TUSC3: variants seen among roughly 807,000 people sequenced by gnomAD.
TUSC3 encodes dolichyl-diphosphooligosaccharide--protein glycosyltransferase subunit TUSC3.
TUSC3 carries 45 observed loss-of-function variants against 44.8 expected under a neutral mutation model. The observed-to-expected ratio is 1.00, with a 90% CI of 0.79 to 1.29. The LOEUF (loss-of-function observed/expected upper bound fraction) is 1.29, where lower values mean the gene tolerates loss of function less well. Among genes scored for constraint, TUSC3 ranks in the 50% most tolerant of loss-of-function variants. TUSC3 has a pLI of 0.00. For synonymous variants in TUSC3, 212 were observed against 152.9 expected (o/e 1.39, Z -2.85); for missense variants, 519 against 437.9 (o/e 1.19, Z -1.65).
Position 15,444,705 on chromosome 8 carries a change from T to C in TUSC3, n.91+27400T>C, listed in dbSNP as rs143464569. On this transcript the variant is annotated intron_variant and non_coding_transcript_variant, in intron 1 of 5. Transcript: ENST00000503191. ...AGAATTTGGTCAAGGAGAGAATCTT[T>C]GTCAGTATCTCCCAAGTATCGGTTC... 4.1e-4 allele frequency among the ~76,000 whole-genome samples: 62 copies of C among 152,328 alleles called. 1 individual carries two copies. In the East Asian group the frequency reaches 0.011, roughly 27 times the overall value.
At chr8:15,519,226 T>C (rs1475650255) in intron 2 of TUSC3, among the ~76,000 whole-genome samples, 5 of 152,206 alleles carry the variant, frequency 3.3e-5, no homozygotes, top group African/African-American at 7.2e-5. Flanking sequence ...AATTTCAGGA[T>C]AGTTTAAAAA....
At chr8:15,779,628 A>G in the TUSC3 span, among the ~76,000 whole-genome samples, 1 of 152,226 alleles carries the variant, frequency 6.6e-6, no homozygotes. Flanking sequence ...TACTGAAAAG[A>G]GGAAGAGTAA....
the TUSC3 span, chr8:15,806,778 A>G: frequency 2.5e-6 from 2 of 805,722 alleles, no homozygotes; most frequent in South Asian, 3.1e-5. Context: ...TTCTGAATTC[A>G]TTCTTTTTCT....
intron 1 of TUSC3, among the ~76,000 whole-genome samples, chr8:15,444,976 T>C (rs1800074049): frequency 6.6e-6 from 1 of 152,150 alleles, no homozygotes. Flanking sequence ...AAGGACAAGC[T>C]GGGAAACTCA....
chr8:15,688,430 C>CTTT (rs11383982), intron 6 of TUSC3, among the ~76,000 whole-genome samples: 4,662 of 141,226 alleles, frequency 0.033, 238 homozygotes, highest in African/African-American at 0.1. Context: ...CTTCAGTATT[C>CTTT]TTTTTTTTTT....
At chr8:15,597,250 GT>G (rs1438445992) in intron 1 of TUSC3, among the ~76,000 whole-genome samples, 2 of 152,098 alleles carry the variant, frequency 1.3e-5, no homozygotes, top group East Asian at 3.9e-4. Context: ...CTCAGGATCT[GT>G]CTACACTGAT....
chr8:15,810,919 A>G, the TUSC3 span, among the ~76,000 whole-genome samples: 1 of 152,166 alleles, frequency 6.6e-6, no homozygotes, highest in Non-Finnish European at 1.5e-5. Flanking sequence ...ACACCAGGGA[A>G]GCAGGGCCCA....
chr8:15,788,058 G>A, the TUSC3 span, among the ~76,000 whole-genome samples: 1 of 152,134 alleles, frequency 6.6e-6, no homozygotes, highest in African/African-American at 2.4e-5. Flanking sequence ...CCTGCCCCCT[G>A]TCCCTCTGTA....
At chr8:15,612,460 TG>T (rs1219461270) in intron 1 of TUSC3, among the ~76,000 whole-genome samples, 1 of 152,222 alleles carries the variant, frequency 6.6e-6, no homozygotes, top group Non-Finnish European at 1.5e-5. Flanking sequence ...TACTATTTCT[TG>T]TATTTTTGGT....
At chr8:15,583,383 G>A (rs1194726070) in intron 1 of TUSC3, among the ~76,000 whole-genome samples, 1 of 152,194 alleles carries the variant, frequency 6.6e-6, no homozygotes, top group African/African-American at 2.4e-5. Context: ...GCGCAGAGAA[G>A]ATTGACGGTG....
At position 15,468,175 on chromosome 8, in the gene TUSC3, G is replaced by C. The variant is rs140937233; in HGVS notation, n.92-15211G>C. On this transcript the variant is annotated intron_variant and non_coding_transcript_variant, in intron 1 of 5. Transcript: ENST00000503191. ...ATATAATTATCATCCTGAGAGAAAC[G>C]GAATTTCGTTTGGTTGGTTGGTTTT... 5.3e-3 allele frequency among the ~76,000 whole-genome samples: 801 copies of C among 152,218 alleles called. 30 individuals are homozygous for C. Among genetic ancestry groups the C allele is most frequent in the Admixed American group, 0.047 (719 of 15,278 alleles).
intron 1 of TUSC3, among the ~76,000 whole-genome samples, chr8:15,542,056 C>T (rs935462092): frequency 9.2e-5 from 14 of 151,584 alleles, no homozygotes; most frequent in Non-Finnish European, 1.5e-5. Context: ...TCTGGAGGTC[C>T]TGATGGCAGG....
the TUSC3 span, chr8:15,806,445 A>C: frequency 6.2e-6 from 5 of 804,590 alleles, no homozygotes; most frequent in African/African-American, 1.7e-5. Flanking sequence ...AAAATCACAC[A>C]CATGTTGTCT....
At chr8:15,687,757 A>T (rs117873088) in intron 6 of TUSC3, among the ~76,000 whole-genome samples, 1,864 of 152,306 alleles carry the variant, frequency 0.012, 21 homozygotes, top group Non-Finnish European at 0.021. Flanking sequence ...GGCAGATACT[A>T]AATAAATGAT....
chr8:15,608,542 C>T (rs951624496), intron 1 of TUSC3, among the ~76,000 whole-genome samples: 4 of 152,118 alleles, frequency 2.6e-5, no homozygotes, highest in African/African-American at 9.7e-5. Context: ...GTGTCCCCAT[C>T]CAAATCTCAT....
At chr8:15,588,290 T>G (rs1196119535) in intron 1 of TUSC3, among the ~76,000 whole-genome samples, 1 of 152,202 alleles carries the variant, frequency 6.6e-6, no homozygotes, top group Non-Finnish European at 1.5e-5. Flanking sequence ...TGGTTTTGAT[T>G]TGCTTTTCCC....
chr8:15,616,609 A>C (rs912825973), intron 1 of TUSC3, among the ~76,000 whole-genome samples: 2 of 152,220 alleles, frequency 1.3e-5, no homozygotes, highest in Admixed American at 1.3e-4. Flanking sequence ...TTGATTTTAA[A>C]ATAAATTCAA....
At chr8:15,727,716 T>C (rs1810554926) in intron 6 of TUSC3, among the ~76,000 whole-genome samples, 1 of 152,216 alleles carries the variant, frequency 6.6e-6, no homozygotes, top group African/African-American at 2.4e-5. Flanking sequence ...GTTTAGAAGA[T>C]AGAAACAGCT....
At chr8:15,808,726 C>A in the TUSC3 span, among the ~76,000 whole-genome samples, 1 of 152,082 alleles carries the variant, frequency 6.6e-6, no homozygotes, top group Non-Finnish European at 1.5e-5. Context: ...AATTTCTAAG[C>A]TCAGCTGTCA....
Sources: gnomAD v4.1 joint callset for allele counts (sites outside exome capture counted in the v4.1 genomes callset) on GRCh38, gnomAD v4.1.1 for gene constraint, MANE v1.5 for transcripts, NCBI Gene and HGNC (gene_info 2026-07-23, HGNC 2026-07-21) for gene names.